TRDN: variants seen among roughly 807,000 people sequenced by gnomAD.
The protein encoded by TRDN is triadin, also known as triadin in skeletal muscle.
A neutral mutation model predicts 149.7 loss-of-function variants in TRDN; 161 were observed. That is an observed-to-expected ratio of 1.08 (90% CI 0.95 to 1.23). The LOEUF (loss-of-function observed/expected upper bound fraction) is 1.23. Ranked by LOEUF, TRDN falls within the 50% of genes most tolerant of loss-of-function variation. TRDN has a pLI of 0.00. For missense variants in TRDN, 896 were observed against 823.5 expected (o/e 1.09, Z -1.08); for synonymous variants, 294 against 250.5 (o/e 1.17, Z -1.64).
At chr6:123,513,067 C>T (rs1779253281) in intron 6 of TRDN, among the ~76,000 whole-genome samples, 1 of 152,154 alleles carries the variant, frequency 6.6e-6, no homozygotes, top group South Asian at 2.1e-4. Context: ...CCTCAGAAAG[C>T]CTAATATTCA....
intron 1 of TRDN, among the ~76,000 whole-genome samples, chr6:123,597,453 A>G (rs74665516): frequency 0.053 from 8,006 of 152,196 alleles, 229 homozygotes; most frequent in Non-Finnish European, 0.058. Context: ...AAACTTAGTA[A>G]ATTAAAAAAC....
chr6:123,539,811 G>C (rs35115639), intron 4 of TRDN, among the ~76,000 whole-genome samples: 2,507 of 152,210 alleles, frequency 0.016, 36 homozygotes, highest in Non-Finnish European at 0.022. Flanking sequence ...ATCTTTGACT[G>C]TCTAACTCAC....
chr6:123,227,710 G>A (rs1167992547), intron 38 of TRDN, among the ~76,000 whole-genome samples: 2 of 150,824 alleles, frequency 1.3e-5, no homozygotes, highest in Non-Finnish European at 3.0e-5. Flanking sequence ...AACCATATGA[G>A]GCAAGGACTT....
chr6:123,318,317 T>C (rs1779109344), intron 23 of TRDN, among the ~76,000 whole-genome samples: 1 of 152,056 alleles, frequency 6.6e-6, no homozygotes, highest in Admixed American at 6.6e-5. Flanking sequence ...ATGGCTCAAG[T>C]GCTGGTCAAT....
intron 24 of TRDN, among the ~76,000 whole-genome samples, chr6:123,311,577 A>G (rs1010781213): frequency 2.6e-5 from 4 of 151,978 alleles, no homozygotes; most frequent in African/African-American, 9.7e-5. Context: ...GAAGTGGTCT[A>G]CTTGCCCCCA....
At chr6:123,567,223 C>T (rs1782337956) in intron 2 of TRDN, among the ~76,000 whole-genome samples, 1 of 152,138 alleles carries the variant, frequency 6.6e-6, no homozygotes. Flanking sequence ...TTTTAAAAGC[C>T]TCTATTATAC....
chr6:123,525,381 G>T (rs1362373186), intron 5 of TRDN, among the ~76,000 whole-genome samples: 1 of 152,038 alleles, frequency 6.6e-6, no homozygotes, highest in Admixed American at 6.6e-5. Flanking sequence ...TCATAAAAAA[G>T]AATGGAATTA....
chr6:123,536,484 C>A (rs1292391197), intron 4 of TRDN, among the ~76,000 whole-genome samples: 1 of 151,696 alleles, frequency 6.6e-6, no homozygotes, highest in Admixed American at 6.6e-5. Flanking sequence ...TTTTAAATTT[C>A]TGTTAGAAAT....
At chr6:123,324,505 G>A (rs1779370747) in intron 23 of TRDN, among the ~76,000 whole-genome samples, 1 of 151,960 alleles carries the variant, frequency 6.6e-6, no homozygotes, top group African/African-American at 2.4e-5. Flanking sequence ...AACCTTCAAG[G>A]AGAGAAGCAT....
At chr6:123,332,099 G>A (rs1460460013) in intron 22 of TRDN, among the ~76,000 whole-genome samples, 170 bp from the exon 23 acceptor site, 2 of 151,956 alleles carry the variant, frequency 1.3e-5, no homozygotes, top group Non-Finnish European at 2.9e-5. Context: ...CAACAGTATA[G>A]AATACAATAA....
intron 40 of TRDN, 30 bp downstream of exon 40, chr6:123,221,457 T>G (rs1448280764): frequency 6.8e-7 from 1 of 1,477,314 alleles, no homozygotes; most frequent in Non-Finnish European, 9.3e-7. Context: ...ACAGAATGAT[T>G]TATTACTTTT....
At chr6:123,285,104 T>C (rs1466180414) in intron 24 of TRDN, among the ~76,000 whole-genome samples, 1 of 151,810 alleles carries the variant, frequency 6.6e-6, no homozygotes, top group Non-Finnish European at 1.5e-5. Context: ...TATGTGAAAA[T>C]GACCACATTG....
chr6:123,454,798 C>G (rs1018407881), intron 10 of TRDN, among the ~76,000 whole-genome samples: 89 of 152,210 alleles, frequency 5.8e-4, no homozygotes, highest in African/African-American at 2.0e-3. Flanking sequence ...TTATGAGAAT[C>G]TAATGCCTGA....
chr6:123,518,264 C>T (rs1305781947), intron 5 of TRDN, among the ~76,000 whole-genome samples: 1 of 152,080 alleles, frequency 6.6e-6, no homozygotes, highest in Non-Finnish European at 1.5e-5. Flanking sequence ...CTACTCAGTT[C>T]AATATAAATA....
intron 24 of TRDN, among the ~76,000 whole-genome samples, chr6:123,298,836 C>T (rs1778303122): frequency 6.6e-6 from 1 of 151,970 alleles, no homozygotes; most frequent in African/African-American, 2.4e-5. Flanking sequence ...TTTCTCTCCA[C>T]ATAGGAGATT....
intron 4 of TRDN, among the ~76,000 whole-genome samples, chr6:123,532,442 G>C (rs973862644): frequency 2.0e-5 from 3 of 151,952 alleles, no homozygotes; most frequent in Admixed American, 6.6e-5. Context: ...ATTTGGATGG[G>C]CTTCTCTGAT....
intron 4 of TRDN, among the ~76,000 whole-genome samples, chr6:123,544,865 C>G (rs1395995304): frequency 2.0e-5 from 3 of 151,872 alleles, no homozygotes; most frequent in Non-Finnish European, 4.4e-5. Flanking sequence ...CTAGCAGAAT[C>G]AAATATTTCA....
rs1480745340 is a variant in TRDN, at chr6:123,271,164, T to C, written c.1695A>G (p.Val565=). The part of the protein sequence containing the change: ...GKPEEKVLKQ[V]KAVTIEKTAK... The stretch of plus-strand genomic sequence containing the variant: ...CTGTTTTTTCTATTGTGACAGCTTT[T>C]ACCTGCTTGAGAACTTTTTCTTCTG... Residue 565 remains valine (V), a synonymous_variant, in exon 30 of 41, where the codon GTA becomes GTG. Transcript: ENST00000334268. 9.1e-6 allele frequency: 14 copies of C among 1,541,774 alleles called. No individual in the cohort carries two copies. The highest frequency in any genetic ancestry group is 1.1e-5 in the Non-Finnish European group (13 of 1,144,262).
At chr6:123,578,574 G>A (rs1033904377) in intron 1 of TRDN, among the ~76,000 whole-genome samples, 1 of 152,128 alleles carries the variant, frequency 6.6e-6, no homozygotes, top group Non-Finnish European at 1.5e-5. Flanking sequence ...AGTATGGTTT[G>A]AAGTTGAGTA....
Sources: gnomAD v4.1 joint callset for allele counts (sites outside exome capture counted in the v4.1 genomes callset) on GRCh38, gnomAD v4.1.1 for gene constraint, MANE v1.5 for transcripts, NCBI Gene and HGNC (gene_info 2026-07-23, HGNC 2026-07-21) for gene names.